AGBL1: variants seen among roughly 807,000 people sequenced by gnomAD.
AGBL1 encodes AGBL carboxypeptidase 1.
AGBL1 carries 130 observed loss-of-function variants against 118.9 expected under a neutral mutation model. That is an observed-to-expected ratio of 1.09 (90% CI 0.95 to 1.26). The LOEUF (loss-of-function observed/expected upper bound fraction) is 1.26, where lower values mean the gene tolerates loss of function less well. Ranked by LOEUF, AGBL1 falls within the 50% of genes most tolerant of loss-of-function variation. AGBL1 has a pLI of 0.00. For missense variants in AGBL1, 1,584 were observed against 1,298.1 expected (o/e 1.22, Z -3.38); for synonymous variants, 555 against 478.9 (o/e 1.16, Z -2.08).
In AGBL1 at chr15:86,429,519, T is replaced by C. The variant is rs562214726; in HGVS notation, c.2555+31973T>C. On this transcript the variant is annotated intron_variant, in intron 18 of 22. Transcript: ENST00000614907. ...ATAGCTGGACCCAGCAGACTCACAATGTAAATCTGACAGGTAGGGCAACAG... is the reference window on the plus strand; with the variant it reads ...ATAGCTGGACCCAGCAGACTCACAACGTAAATCTGACAGGTAGGGCAACAG... Among the ~76,000 whole-genome samples the C allele has an allele frequency of 8.4e-4, 128 of 152,308 alleles. 1 individual carries two copies. Among genetic ancestry groups the C allele is most frequent in the Non-Finnish European group, 1.4e-3 (95 of 68,030 alleles).
intron 22 of AGBL1, among the ~76,000 whole-genome samples, chr15:86,721,325 G>T (rs2086716675): frequency 6.6e-6 from 1 of 152,086 alleles, no homozygotes; most frequent in Non-Finnish European, 1.5e-5. Context: ...TTCATCCCTG[G>T]GATGCAAGAC....
chr15:86,462,533 C>A (rs1210267687), intron 18 of AGBL1, among the ~76,000 whole-genome samples: 1 of 151,936 alleles, frequency 6.6e-6, no homozygotes, highest in Non-Finnish European at 1.5e-5. Flanking sequence ...TTTGCTGCAC[C>A]CATCAACTCG....
intron 2 of AGBL1, 123 bp downstream of exon 2, chr15:86,142,190 A>G: frequency 1.1e-6 from 1 of 896,328 alleles, no homozygotes; most frequent in South Asian, 1.7e-5. Context: ...GAGAGGCAGC[A>G]TCACTAGCCC....
intron 21 of AGBL1, among the ~76,000 whole-genome samples, chr15:86,556,736 T>A (rs997856561): frequency 2.0e-5 from 3 of 152,222 alleles, no homozygotes; most frequent in African/African-American, 4.8e-5. Context: ...GTCTTGAGAT[T>A]ATTATTCTAA....
At chr15:86,963,251 A>G (rs949885523) in intron 23 of AGBL1, among the ~76,000 whole-genome samples, 2 of 152,124 alleles carry the variant, frequency 1.3e-5, no homozygotes, top group Non-Finnish European at 2.9e-5. Flanking sequence ...AAGACATTTA[A>G]TGGCATGAAT....
intron 21 of AGBL1, among the ~76,000 whole-genome samples, chr15:86,585,217 C>G (rs1408376425): frequency 6.6e-6 from 1 of 151,964 alleles, no homozygotes; most frequent in East Asian, 1.9e-4. Flanking sequence ...TTCCTCAGAA[C>G]TGGAAGTTTT....
At chr15:86,969,152 A>C (rs1279766646) in intron 23 of AGBL1, among the ~76,000 whole-genome samples, 2 of 151,940 alleles carry the variant, frequency 1.3e-5, no homozygotes, top group African/African-American at 2.4e-5. Context: ...GCATCAACTC[A>C]AAATTTAAAG....
intron 21 of AGBL1, among the ~76,000 whole-genome samples, chr15:86,646,683 G>A (rs911645380): frequency 2.0e-5 from 3 of 152,112 alleles, no homozygotes; most frequent in Non-Finnish European, 4.4e-5. Flanking sequence ...TTTATAGGAA[G>A]AGCTCTGGAC....
rs371773682 is a variant in AGBL1 at position 86,475,205 on chromosome 15, C to T, written c.2556-47605C>T. 2.1e-4 allele frequency among the ~76,000 whole-genome samples: 32 copies of T among 152,218 alleles called. No individual in the cohort carries two copies. The South Asian group carries it at 2.5e-3, about 12-fold the overall frequency. On this transcript the variant is annotated intron_variant, in intron 18 of 22. Transcript: ENST00000614907. The stretch of plus-strand genomic sequence containing the variant: ...AAGGAACGCGACTCATTGCCAGCAA[C>T]GGAACAAAGATGGACAGAGAATGAC...
chr15:86,879,976 G>A (rs778113065), intron 22 of AGBL1, among the ~76,000 whole-genome samples: 11 of 152,180 alleles, frequency 7.2e-5, no homozygotes, highest in Non-Finnish European at 1.3e-4. Context: ...AGCAGATGCA[G>A]GAGATGCTTA....
intron 17 of AGBL1, among the ~76,000 whole-genome samples, chr15:86,298,246 A>AATATATAT (rs59968237): frequency 0.018 from 1,229 of 69,542 alleles, 31 homozygotes; most frequent in African/African-American, 0.035. Context: ...GTCTGTGTAT[A>AATATATAT]ATATATATAT....
intron 5 of AGBL1, among the ~76,000 whole-genome samples, chr15:86,220,895 C>A (rs573605309): frequency 9.2e-5 from 14 of 152,020 alleles, no homozygotes; most frequent in African/African-American, 3.1e-4. Context: ...AGTGCCCTCC[C>A]AAGAAGTCCT....
chr15:87,011,766 A>C (rs947081684), intron 24 of AGBL1, among the ~76,000 whole-genome samples: 1 of 152,220 alleles, frequency 6.6e-6, no homozygotes, highest in Non-Finnish European at 1.5e-5. Context: ...GGAGCTCAAA[A>C]TTTAAACTTG....
chr15:86,582,753 T>C (rs1293829497), intron 21 of AGBL1, among the ~76,000 whole-genome samples: 1 of 151,008 alleles, frequency 6.6e-6, no homozygotes, highest in Non-Finnish European at 1.5e-5. Flanking sequence ...CAGCAAACTA[T>C]CGCAAGGACA....
At chr15:86,479,406 A>G (rs2082614531) in intron 18 of AGBL1, among the ~76,000 whole-genome samples, 1 of 152,242 alleles carries the variant, frequency 6.6e-6, no homozygotes, top group African/African-American at 2.4e-5. Flanking sequence ...AACGCCATCA[A>G]CAAGTGGGCA....
At chr15:86,859,710 G>T (rs933069082) in intron 22 of AGBL1, among the ~76,000 whole-genome samples, 2 of 152,140 alleles carry the variant, frequency 1.3e-5, no homozygotes, top group African/African-American at 4.8e-5. Context: ...ATGAAGGAGA[G>T]AGTACATAAG....
rs8031407 is a variant in AGBL1, at chr15:86,150,714, G to A, written c.263-3716G>A. On this transcript the variant is annotated intron_variant, in intron 3 of 22. Transcript: ENST00000614907. Reference sequence around the variant, plus strand: ...ATACAAAGAGGAGCTTGTACCATTCGTTCTGAAACTATTCCAATCAATACA... The same window carrying A: ...ATACAAAGAGGAGCTTGTACCATTCATTCTGAAACTATTCCAATCAATACA... Among the ~76,000 whole-genome samples, 347 of 152,192 alleles carry A rather than the reference G, an allele frequency of 2.3e-3. 4 individuals are homozygous for A. The South Asian group carries it at 0.046, about 20-fold the overall frequency.
rs114190957 is a variant in AGBL1, at chr15:86,706,037, A to G, written c.3158+31601A>G. ...TGCAATAATTCAAGACATGAGATCTATAAGGTAAGGTTTAATTTCATGGCT... is the reference window on the plus strand; with the variant it reads ...TGCAATAATTCAAGACATGAGATCTGTAAGGTAAGGTTTAATTTCATGGCT... On this transcript the variant is annotated intron_variant, in intron 22 of 22. Coordinates refer to ENST00000614907, the MANE Select transcript of AGBL1 (RefSeq NM_001386094.1). 5.0e-3 allele frequency among the ~76,000 whole-genome samples: 763 copies of G among 152,268 alleles called. 3 individuals carry two copies. The highest frequency in any genetic ancestry group is 0.018 in the African/African-American group (738 of 41,578).
chr15:86,870,993 A>T (rs1431564089), intron 22 of AGBL1, among the ~76,000 whole-genome samples: 1 of 152,188 alleles, frequency 6.6e-6, no homozygotes, highest in East Asian at 1.9e-4. Context: ...CCAGCAACTA[A>T]CTGCTTAGGG....
Sources: allele counts gnomAD v4.1 joint callset (sites outside exome capture counted in the v4.1 genomes callset), GRCh38; gene constraint gnomAD v4.1.1; transcripts MANE v1.5; gene names NCBI Gene and HGNC (gene_info 2026-07-23, HGNC 2026-07-21).